THSD4: variants seen among roughly 807,000 people sequenced by gnomAD.
THSD4 encodes the protein thrombospondin type 1 domain containing 4.
THSD4 carries 69 observed loss-of-function variants against 119.0 expected under a neutral mutation model. The observed-to-expected ratio is 0.58, with a 90% CI of 0.48 to 0.71. The LOEUF (loss-of-function observed/expected upper bound fraction) is 0.71, where lower values mean the gene tolerates loss of function less well. Among genes scored for constraint, THSD4 ranks in the 30% least tolerant of loss-of-function variants. The pLI, the probability that THSD4 is intolerant of heterozygous loss-of-function variation, is 0.00. For missense variants in THSD4, 1,393 were observed against 1,391.1 expected (o/e 1.00, Z -0.02); for synonymous variants, 524 against 540.4 (o/e 0.97, Z 0.42).
At chr15:71,640,615 A>G (rs947318349) in intron 7 of THSD4, among the ~76,000 whole-genome samples, 3 of 152,182 alleles carry the variant, frequency 2.0e-5, no homozygotes, top group African/African-American at 7.2e-5. Flanking sequence ...ATTATTGTTT[A>G]AAAACTTCAG....
rs555710993 is a variant in THSD4 at position 71,190,298 on chromosome 15, T to G, written c.100-24737T>G. Among the ~76,000 whole-genome samples, 11 of 152,354 alleles carry G rather than the reference T, an allele frequency of 7.2e-5. No homozygotes were observed. The South Asian group carries it at 1.4e-3, about 20-fold the overall frequency. On this transcript the variant is annotated intron_variant, in intron 3 of 17. Transcript: ENST00000261862. ...TCTGTTTGTTTGTGGAACGTGTGCC[T>G]TAATTGTTCATGAGAGGGAACCCCC...
At chr15:71,566,178 T>A (rs890941427) in intron 7 of THSD4, among the ~76,000 whole-genome samples, 5 of 150,516 alleles carry the variant, frequency 3.3e-5, no homozygotes, top group African/African-American at 1.2e-4. Flanking sequence ...TTGCTGAAAT[T>A]CGGTAGTGAA....
intron 7 of THSD4, among the ~76,000 whole-genome samples, chr15:71,579,290 A>T (rs12439758): frequency 0.15 from 22,176 of 152,152 alleles, 2,023 homozygotes; most frequent in Middle Eastern, 0.24. Context: ...TACAGTAGCT[A>T]TTGTTAACTT....
At chr15:71,475,098 A>C (rs2047637906) in intron 7 of THSD4, among the ~76,000 whole-genome samples, 2 of 152,114 alleles carry the variant, frequency 1.3e-5, no homozygotes, top group South Asian at 2.1e-4. Context: ...CAAGTTTGAG[A>C]CTCCCTGCAT....
chr15:71,131,716 T>C (rs929799042), intron 1 of THSD4, among the ~76,000 whole-genome samples: 2 of 152,234 alleles, frequency 1.3e-5, no homozygotes, highest in South Asian at 4.1e-4. Context: ...AGACTGTGTT[T>C]CCCACACTCC....
intron 4 of THSD4, among the ~76,000 whole-genome samples, chr15:71,234,549 A>G (rs141023947): frequency 2.9e-4 from 44 of 152,170 alleles, no homozygotes; most frequent in African/African-American, 1.0e-3. Context: ...CAGGTGATCC[A>G]CTTGCTTTGG....
At chr15:71,565,691 GCAAA>G (rs2049223315) in intron 7 of THSD4, among the ~76,000 whole-genome samples, 1 of 152,044 alleles carries the variant, frequency 6.6e-6, no homozygotes, top group Non-Finnish European at 1.5e-5. Flanking sequence ...AAGTTTAATT[GCAAA>G]CAAACACTGA....
chr15:71,683,733 G>A (rs1468289870), intron 8 of THSD4, among the ~76,000 whole-genome samples: 2 of 152,162 alleles, frequency 1.3e-5, no homozygotes, highest in Non-Finnish European at 2.9e-5. Flanking sequence ...CCAGCACTTT[G>A]GGAGGCCGAG....
chr15:71,598,211 A>T (rs1289556984), intron 7 of THSD4, among the ~76,000 whole-genome samples: 1 of 152,182 alleles, frequency 6.6e-6, no homozygotes, highest in African/African-American at 2.4e-5. Context: ...GGTCAGGAAG[A>T]TGAGCAAGAA....
chr15:71,751,518 G>A (rs1393060629), intron 14 of THSD4, among the ~76,000 whole-genome samples: 2 of 151,928 alleles, frequency 1.3e-5, no homozygotes, highest in Non-Finnish European at 2.9e-5. Context: ...CATAATGTAT[G>A]TATAATTTGG....
chr15:71,514,169 G>A (rs1181686834), intron 7 of THSD4, among the ~76,000 whole-genome samples: 1 of 152,234 alleles, frequency 6.6e-6, no homozygotes, highest in Non-Finnish European at 1.5e-5. Flanking sequence ...AGGTGAGGAA[G>A]AACGAGGCAC....
intron 2 of THSD4, among the ~76,000 whole-genome samples, chr15:71,142,879 TAA>T (rs1483635835): frequency 2.0e-5 from 3 of 152,280 alleles, no homozygotes; most frequent in East Asian, 3.9e-4. Context: ...TAACAGAAAG[TAA>T]AATGGTCTGT....
intron 6 of THSD4, among the ~76,000 whole-genome samples, chr15:71,308,241 G>A (rs541392965): frequency 2.0e-5 from 3 of 152,304 alleles, no homozygotes; most frequent in African/African-American, 7.2e-5. Context: ...CCTTTCTCTG[G>A]AATATGCAAG....
At chr15:71,729,549 T>C (rs995483903) in intron 9 of THSD4, 13 of 152,156 alleles carry the variant, frequency 8.5e-5, no homozygotes, top group African/African-American at 2.4e-4. Context: ...CTACACACAG[T>C]TCTATGTCCT....
chr15:71,512,371 A>T (rs977811382), intron 7 of THSD4, among the ~76,000 whole-genome samples: 1 of 152,206 alleles, frequency 6.6e-6, no homozygotes, highest in African/African-American at 2.4e-5. Flanking sequence ...GCATTGCTGC[A>T]TTGCAAAGGT....
At chr15:71,621,519 G>T (rs186481160) in intron 7 of THSD4, among the ~76,000 whole-genome samples, 1 of 152,190 alleles carries the variant, frequency 6.6e-6, no homozygotes, top group Non-Finnish European at 1.5e-5. Flanking sequence ...AGTTTACGGG[G>T]ATGACATAGT....
At chr15:71,380,774 T>A (rs1302635773) in intron 6 of THSD4, among the ~76,000 whole-genome samples, 3 of 152,142 alleles carry the variant, frequency 2.0e-5, no homozygotes, top group African/African-American at 7.2e-5. Context: ...GGAGACACAG[T>A]AGAAGAAACA....
chr15:71,773,888 G>A (rs2053866464), intron 17 of THSD4, among the ~76,000 whole-genome samples: 1 of 152,198 alleles, frequency 6.6e-6, no homozygotes, highest in South Asian at 2.1e-4. Context: ...TCCTACAATT[G>A]ATAGCATCTT....
chr15:71,261,368 A>T (rs2140294430), intron 6 of THSD4, among the ~76,000 whole-genome samples: 1 of 152,212 alleles, frequency 6.6e-6, no homozygotes, highest in Non-Finnish European at 1.5e-5. Flanking sequence ...GAGACTTTGG[A>T]GGGAGAGTGA....
Sources: gnomAD v4.1 joint callset for allele counts (sites outside exome capture counted in the v4.1 genomes callset) on GRCh38, gnomAD v4.1.1 for gene constraint, MANE v1.5 for transcripts, NCBI Gene and HGNC (gene_info 2026-07-23, HGNC 2026-07-21) for gene names.